The following PIH1D1 variants were observed in gnomAD, a reference collection of about 807,000 sequenced individuals.
PIH1D1 encodes PIH1 domain-containing protein 1.
In PIH1D1, 28 loss-of-function variants were observed where a neutral mutation model predicts 38.5. The observed-to-expected ratio is 0.73, with a 90% CI of 0.54 to 1.00. The LOEUF is 1.00. PIH1D1 is among the 50% of genes least tolerant of loss of function. PIH1D1 has a pLI of 0.00. For synonymous variants in PIH1D1, 155 were observed against 153.5 expected (o/e 1.01, Z -0.07); for missense variants, 343 against 369.9 (o/e 0.93, Z 0.60).
intron 1 of PIH1D1, 173 bp from the exon 2 acceptor site, chr19:49,451,021 A>ATTTAT: frequency 1.2e-6 from 1 of 808,784 alleles, no homozygotes; most frequent in Non-Finnish European, 1.6e-6. Context: ...CCCCATTCCC[A>ATTTAT]TTTCTTTTTT....
rs776737687 is a variant in PIH1D1 at position 49,448,082 on chromosome 19, G to A, written c.338-20C>T. 1.2e-6 allele frequency: 2 copies of A among 1,613,684 alleles called. No individual in the cohort carries two copies. The highest frequency in any genetic ancestry group is 1.7e-5 in the Admixed American group (1 of 60,008). ...GGCCTTCTGCGGGGAGAAAAAGGGG[G>A]TGAGGACCCCCCAGCCCTCTGCAGG... On this transcript the variant is annotated intron_variant, in intron 3 of 8. Coordinates refer to ENST00000262265, the MANE Select transcript of PIH1D1 (RefSeq NM_017916.3).
At position 49,449,389 on chromosome 19, in the gene PIH1D1, A is replaced by G. The variant is rs752289135; in HGVS notation, c.337+86T>C. 3 of 1,216,698 alleles carry G rather than the reference A, an allele frequency of 2.5e-6. No homozygotes were observed. In the Admixed American group the frequency reaches 5.2e-5, roughly 21 times the overall value. The allele number at this position is 1,216,698 out of a possible 1,614,324, so 75.4% of individuals were successfully genotyped here. A position where few individuals can be genotyped will look rare whatever the true frequency, so the allele number is the denominator to read the frequency against. ...GGGCCAGATCTCCAGGAGCTGAGGG[A>G]GGAGGGTCCTGGGCCCAGGATTCTT... On this transcript the variant is annotated intron_variant, in intron 3 of 8. Transcript: ENST00000262265.
At chr19:49,450,138 T>A (rs941960162) in intron 2 of PIH1D1, among the ~76,000 whole-genome samples, 1 of 150,694 alleles carries the variant, frequency 6.6e-6, no homozygotes, top group African/African-American at 2.4e-5. Flanking sequence ...GTCACCCAGG[T>A]TGGAGTGCAG....
At chr19:49,450,268 T>C (rs2079050519) in intron 2 of PIH1D1, among the ~76,000 whole-genome samples, 1 of 152,044 alleles carries the variant, frequency 6.6e-6, no homozygotes, top group African/African-American at 2.4e-5. Context: ...ATTTTGTTTA[T>C]TTTTAGTAGA....
rs1330420475 is a variant in PIH1D1, at chr19:49,446,597, T to C, written c.785A>G (p.Gln262Arg). ...TGCCTTGCTCTCATGAGAGTTGATC[T>C]GCAGCGGGATATAAGCGTCTAGATG... ...LYHLDAYIPL[Q>R]INSHESKAAF... is the part of the protein sequence containing the mutation. Residue 262 changes from glutamine to arginine, a missense_variant, in exon 8 of 9, where the codon CAG (glutamine) becomes CGG (arginine). Physicochemically the swap from Gln to Arg is conservative, Grantham distance 43. Coordinates refer to ENST00000262265, the MANE Select transcript of PIH1D1 (RefSeq NM_017916.3). The C allele has an allele frequency of 1.9e-6, 3 of 1,614,008 alleles. No homozygotes were observed. The highest frequency in any genetic ancestry group is 2.5e-6 in the Non-Finnish European group (3 of 1,179,974).
chr19:49,451,470 G>A lies in PIH1D1; in HGVS notation c.90+15C>T, dbSNP rs766669739. The A allele has an allele frequency of 2.5e-5, 41 of 1,613,422 alleles. No homozygotes were observed. Among genetic ancestry groups the A allele is most frequent in the Middle Eastern group, 1.6e-4 (1 of 6,084 alleles). On this transcript the variant is annotated intron_variant, in intron 1 of 8. Coordinates refer to ENST00000262265, the MANE Select transcript of PIH1D1 (RefSeq NM_017916.3). The stretch of plus-strand genomic sequence containing the variant: ...TCCCCGAATACTCAAGGATCCAGGG[G>A]TCCGGTCACTGCACCTGCAGCAGCA...
intron 3 of PIH1D1, chr19:49,448,268 A>G: frequency 1.7e-6 from 1 of 598,830 alleles, no homozygotes; most frequent in Non-Finnish European, 3.0e-6. Context: ...CATCAGTGTG[A>G]TGTCACTAGA....
At position 49,447,410 on chromosome 19, in the gene PIH1D1, C is replaced by A; in HGVS notation, c.539G>T (p.Arg180Leu). The A allele has an allele frequency of 6.2e-7, 1 of 1,613,158 alleles. No homozygotes were observed. The highest frequency in any genetic ancestry group is 1.1e-5 in the South Asian group (1 of 91,082). ...CTGGATCCGAGGACGCTGCTCCGAG[C>A]GGATGTTCTGCTGCGAGATGGAGCC... ...FMGSISQQNI[R>L]SEQRPRIQEL... is the part of the protein sequence containing the mutation. Residue 180 changes from arginine (R) to leucine (L), a missense_variant, in exon 6 of 9, where the codon CGC (arginine) becomes CTC (leucine). Arg to Leu is a moderately radical substitution (Grantham distance 102). Transcript: ENST00000262265.
intron 3 of PIH1D1, 148 bp downstream of exon 3, chr19:49,449,327 A>C (rs1463981933): frequency 2.5e-6 from 2 of 795,310 alleles, no homozygotes; most frequent in Non-Finnish European, 4.3e-6. Context: ...TGTCCAGGGC[A>C]CTAGAGATCT....
rs757533859 is a variant in PIH1D1 at position 49,451,513 on chromosome 19, G to A, written c.62C>T (p.Ser21Leu). 1.9e-6 allele frequency: 3 copies of A among 1,613,770 alleles called. No individual in the cohort carries two copies. The highest frequency in any genetic ancestry group is 2.5e-6 in the Non-Finnish European group (3 of 1,179,976). The change falls in exon 1 of 9, where the codon TCG becomes TTG. Residue 21 changes from serine to leucine, a missense_variant. Coordinates refer to ENST00000262265, the MANE Select transcript of PIH1D1 (RefSeq NM_017916.3). Reference protein sequence around the residue: ...LSEAEAIGADSARFEELLLQA... With the variant: ...LSEAEAIGADLARFEELLLQA... Reference sequence around the variant, plus strand: ...CAGCAGCAGCTCCTCAAATCGCGCCGAATCAGCACCGATCGCCTCCGCCTC... The same window carrying A: ...CAGCAGCAGCTCCTCAAATCGCGCCAAATCAGCACCGATCGCCTCCGCCTC...
chr19:49,447,925 G>A lies in PIH1D1; in HGVS notation c.400-17C>T, dbSNP rs745516160. ...ATCGCTGTTCTGGGGTGACAGAGAG[G>A]GAAAAGACAGGCGGTGGCGGGGAGG... On this transcript the variant is annotated splice_polypyrimidine_tract_variant and intron_variant, in intron 4 of 8. Transcript: ENST00000262265. The A allele has an allele frequency of 1.2e-6, 2 of 1,614,018 alleles. No individual in the cohort carries two copies. The highest frequency in any genetic ancestry group is 1.3e-5 in the African/African-American group (1 of 75,014).
Position 49,446,330 on chromosome 19 carries a change from G to T in PIH1D1, c.*52C>A, listed in dbSNP as rs1185191486. Reference sequence around the variant, plus strand: ...AAAAATCTTTTATTTCAACTTTTAGGGAAGCCAGCAGCCTCTTCTCCACAT... The same window carrying T: ...AAAAATCTTTTATTTCAACTTTTAGTGAAGCCAGCAGCCTCTTCTCCACAT... On this transcript the variant is annotated 3_prime_UTR_variant, in exon 9 of 9. Coordinates refer to ENST00000262265, the MANE Select transcript of PIH1D1 (RefSeq NM_017916.3). 5.2e-5 allele frequency: 41 copies of T among 783,332 alleles called. No individual in the cohort carries two copies. Among genetic ancestry groups the T allele is most frequent in the South Asian group, 1.3e-5 (1 of 74,670 alleles). 48.5% of individuals were successfully genotyped at this position (783,332 alleles called of 1,614,324 possible). A position where few individuals can be genotyped will look rare whatever the true frequency, so the allele number is the denominator to read the frequency against.
chr19:49,451,641 A>ACC lies in PIH1D1; in HGVS notation c.-69_-68dup. ...GTGGGAAACTTTGCCCAGGATCCGA[A>ACC]CCCCAGTGCCTGCTCTGGCCCTCAA... is the stretch of plus-strand genomic sequence containing the variant. On this transcript the variant is annotated 5_prime_UTR_variant, in exon 1 of 9. Coordinates refer to ENST00000262265, the MANE Select transcript of PIH1D1 (RefSeq NM_017916.3). The ACC allele has an allele frequency of 6.3e-7, 1 of 1,591,486 alleles. No individual in the cohort carries two copies. Among genetic ancestry groups the ACC allele is most frequent in the Non-Finnish European group, 8.5e-7 (1 of 1,172,592 alleles).
chr19:49,446,811 A>T (rs2079026222), intron 7 of PIH1D1, 117 bp from the exon 8 acceptor site: 1 of 1,207,704 alleles, frequency 8.3e-7, no homozygotes, highest in South Asian at 1.4e-5. Flanking sequence ...TCCCAGGAAG[A>T]GACAGAAGAC....
intron 7 of PIH1D1, 22 bp from the exon 8 acceptor site, chr19:49,446,716 G>T: frequency 6.5e-7 from 1 of 1,535,298 alleles, no homozygotes; most frequent in Non-Finnish European, 8.7e-7. Context: ...GCGGAATCAG[G>T]TCACCCTCCC....
chr19:49,448,151 C>T, intron 3 of PIH1D1, 89 bp from the exon 4 acceptor site: 1 of 1,319,840 alleles, frequency 7.6e-7, no homozygotes. Context: ...CATTCAGGGA[C>T]AGCGGCCGTA....
Position 49,450,851 on chromosome 19 carries a change from G to A in PIH1D1, c.91-3C>T. On this transcript the variant is annotated splice_polypyrimidine_tract_variant and splice_region_variant and intron_variant, in intron 1 of 8. Coordinates refer to ENST00000262265, the MANE Select transcript of PIH1D1 (RefSeq NM_017916.3). The stretch of plus-strand genomic sequence containing the variant: ...GCTTGCTGGAGCTCCTTCGAGGCCT[G>A]TATAAAGGAAAACTACCTCCAGGCT... 6.2e-7 allele frequency: 1 copy of A among 1,613,702 alleles called. No homozygotes were observed. The highest frequency in any genetic ancestry group is 8.5e-7 in the Non-Finnish European group (1 of 1,179,936).
At chr19:49,447,974 G>A in intron 4 of PIH1D1, 27 bp downstream of exon 4, 1 of 1,614,048 alleles carries the variant, frequency 6.2e-7, no homozygotes, top group African/African-American at 1.3e-5. Context: ...CCCCTGCCCA[G>A]GCCTCAACCG....
Position 49,447,449 on chromosome 19 carries a change from T to A in PIH1D1, c.500A>T (p.Asn167Ile), listed in dbSNP as rs747008165. The change falls in exon 6 of 9, where the codon AAC becomes ATC. Residue 167 changes from asparagine to isoleucine, a missense_variant. Asn to Ile is a moderately radical substitution (Grantham distance 149). Coordinates refer to ENST00000262265, the MANE Select transcript of PIH1D1 (RefSeq NM_017916.3). ...CGAGATGGAGCCCATGAATGGCCGGTTCTTCATCATGCGCCATTCTGAGGG... is the reference window on the plus strand; with the variant it reads ...CGAGATGGAGCCCATGAATGGCCGGATCTTCATCATGCGCCATTCTGAGGG... ...QLNPEWRMMK[N>I]RPFMGSISQQ... is the part of the protein sequence containing the mutation. The A allele has an allele frequency of 1.3e-5, 21 of 1,610,270 alleles. No homozygotes were observed. The South Asian group carries it at 2.3e-4, about 18-fold the overall frequency.
Sources: allele counts gnomAD v4.1 joint callset (sites outside exome capture counted in the v4.1 genomes callset), GRCh38; gene constraint gnomAD v4.1.1; transcripts MANE v1.5; gene names NCBI Gene and HGNC (gene_info 2026-07-23, HGNC 2026-07-21).